Variants in HACL2 observed in about 807,000 individuals in gnomAD.
The protein encoded by HACL2 is 2-hydroxyacyl-CoA lyase 1 like.
At chr19:15,122,040 G>A in the HACL2 span, among the ~76,000 whole-genome samples, 1 of 147,750 alleles carries the variant, frequency 6.8e-6, no homozygotes, top group Non-Finnish European at 1.5e-5. The surrounding 1 kb of genome is among the most constrained non-coding windows in gnomAD (Gnocchi z 4.0). Flanking sequence ...TGGGACTACA[G>A]GCGCCCGCCA....
At chr19:15,117,734 C>T in the HACL2 span, 8 of 758,764 alleles carry the variant, frequency 1.1e-5, 1 homozygote, top group African/African-American at 1.0e-4. Flanking sequence ...GTTTGAGAGC[C>T]AACTATTTGT....
the HACL2 span, chr19:15,115,736 G>T: frequency 1.9e-6 from 3 of 1,578,474 alleles, no homozygotes; most frequent in Admixed American, 3.3e-5. Flanking sequence ...CCAGAGGACA[G>T]AGACAGGGAT....
the HACL2 span, chr19:15,117,865 G>A: frequency 1.2e-6 from 2 of 1,613,798 alleles, no homozygotes; most frequent in Non-Finnish European, 8.5e-7. Flanking sequence ...GTGTACGGGG[G>A]GATTAAGGGG....
chr19:15,119,925 G>A, the HACL2 span: 1 of 1,124,516 alleles, frequency 8.9e-7, no homozygotes, highest in Non-Finnish European at 1.3e-6. Flanking sequence ...GGGTCAGGGG[G>A]CCCTCTCCCC....
At chr19:15,115,031 A>G in the HACL2 span, 1 of 617,606 alleles carries the variant, frequency 1.6e-6, no homozygotes, top group Non-Finnish European at 2.9e-6. Flanking sequence ...CAGTCTCCAT[A>G]AGAGAGGGGA....
At chr19:15,119,043 T>A in the HACL2 span, 1 of 1,116,330 alleles carries the variant, frequency 9.0e-7, no homozygotes, top group Non-Finnish European at 1.2e-6. Flanking sequence ...AAGCGCTTTA[T>A]GTGAAAATGT....
the HACL2 span, chr19:15,115,681 G>T: frequency 6.2e-7 from 1 of 1,610,560 alleles, no homozygotes; most frequent in Non-Finnish European, 8.5e-7. Flanking sequence ...TCTACAGGAA[G>T]ATGATGAAGG....
At chr19:15,116,462 G>T in the HACL2 span, 26 of 1,613,764 alleles carry the variant, frequency 1.6e-5, no homozygotes, top group Admixed American at 4.0e-4. Context: ...CACCCAGTCT[G>T]GGGCCCAGGT....
chr19:15,122,054 C>T, the HACL2 span, among the ~76,000 whole-genome samples: 79,807 of 149,986 alleles, frequency 0.53, 22,295 homozygotes, highest in African/African-American at 0.71. This position sits in a 1 kb window ranked among gnomAD's most constrained non-coding sequence, Gnocchi z 4.0. Flanking sequence ...CCCGCCACCA[C>T]GCCCGGCTAA....
the HACL2 span, chr19:15,125,379 CCTACTTG>C: frequency 3.0e-6 from 1 of 331,840 alleles, no homozygotes; most frequent in Non-Finnish European, 5.6e-6. Flanking sequence ...CTTCCACTTA[CCTACTTG>C]TCAATGGACA....
At chr19:15,121,262 A>C in the HACL2 span, among the ~76,000 whole-genome samples, 1 of 152,140 alleles carries the variant, frequency 6.6e-6, no homozygotes, top group East Asian at 1.9e-4. Context: ...CCGTCTCAAA[A>C]AAAATAAAGA....
the HACL2 span, among the ~76,000 whole-genome samples, chr19:15,121,363 A>G: frequency 6.6e-6 from 1 of 152,166 alleles, no homozygotes; most frequent in Non-Finnish European, 1.5e-5. Context: ...TTGTCCACTG[A>G]TGATGCCCCG....
chr19:15,124,852 A>G, the HACL2 span: 1 of 1,531,908 alleles, frequency 6.5e-7, no homozygotes, highest in Non-Finnish European at 8.8e-7. Context: ...ACAATGAGTG[A>G]GCTGGAAGCA....
At chr19:15,119,082 C>A in the HACL2 span, 2 of 1,453,882 alleles carry the variant, frequency 1.4e-6, no homozygotes, top group South Asian at 1.4e-5. Flanking sequence ...GCCCACTAGA[C>A]CTTCCTCCTC....
At chr19:15,123,533 G>C in the HACL2 span, 1 of 1,613,884 alleles carries the variant, frequency 6.2e-7, no homozygotes, top group Non-Finnish European at 8.5e-7. The surrounding 1 kb of genome is among the most constrained non-coding windows in gnomAD (Gnocchi z 5.1). Flanking sequence ...CCTCAGCACA[G>C]CGGCCACGTT....
At chr19:15,123,568 C>G in the HACL2 span, 1 of 1,614,114 alleles carries the variant, frequency 6.2e-7, no homozygotes. This position sits in a 1 kb window ranked among gnomAD's most constrained non-coding sequence, Gnocchi z 5.1. Flanking sequence ...GGACGCTTGC[C>G]TTGTCCACCT....
At chr19:15,116,762 G>A in the HACL2 span, 1 of 518,602 alleles carries the variant, frequency 1.9e-6, no homozygotes, top group African/African-American at 1.9e-5. Flanking sequence ...GGAGCACAAG[G>A]CAGGTGACAA....
At chr19:15,117,860 C>T in the HACL2 span, 39 of 1,613,272 alleles carry the variant, frequency 2.4e-5, no homozygotes, top group Middle Eastern at 1.6e-4. Flanking sequence ...CATATGTGTA[C>T]GGGGGGATTA....
chr19:15,125,155 A>G, the HACL2 span: 85 of 1,315,498 alleles, frequency 6.5e-5, no homozygotes, highest in Non-Finnish European at 8.6e-5. Flanking sequence ...AGCAGGATCC[A>G]GGGCCACGAC....
Sources: allele counts gnomAD v4.1 joint callset (sites outside exome capture counted in the v4.1 genomes callset), GRCh38; gene constraint gnomAD v4.1.1; non-coding constraint Gnocchi (gnomAD v3.1); transcripts MANE v1.5; gene names NCBI Gene and HGNC (gene_info 2026-07-23, HGNC 2026-07-21).